CDH23: variants seen among roughly 807,000 people sequenced by gnomAD.
CDH23 encodes cadherin-23.
CDH23 carries 189 observed loss-of-function variants against 317.1 expected under a neutral mutation model. That is an observed-to-expected ratio of 0.60 (90% CI 0.53 to 0.67). The LOEUF (loss-of-function observed/expected upper bound fraction) is 0.67, where lower values mean the gene tolerates loss of function less well. Ranked by LOEUF, CDH23 falls within the 30% of genes least tolerant of loss-of-function variation. The pLI is 0.00. For missense variants in CDH23, 4,401 were observed against 4,592.4 expected, an observed-to-expected ratio of 0.96 and a Z score of 1.20; for synonymous variants, 1,839 against 1,876.8, an observed-to-expected ratio of 0.98 and a Z score of 0.52.
intron 28 of CDH23, among the ~76,000 whole-genome samples, chr10:71,719,180 C>T (rs1866433765): frequency 6.6e-6 from 1 of 152,222 alleles, no homozygotes; most frequent in African/African-American, 2.4e-5. Flanking sequence ...CAACACAACA[C>T]CCTTCCTGGA....
chr10:71,680,161 C>G (rs972537390), intron 17 of CDH23, among the ~76,000 whole-genome samples: 8 of 152,244 alleles, frequency 5.3e-5, no homozygotes, highest in Non-Finnish European at 1.0e-4. Flanking sequence ...GACACTGTCT[C>G]CCCTTACTGG....
chr10:71,782,864 T>C (rs1028706418), intron 41 of CDH23, among the ~76,000 whole-genome samples: 1 of 152,210 alleles, frequency 6.6e-6, no homozygotes, highest in African/African-American at 2.4e-5. Flanking sequence ...GGGAAGAGCC[T>C]GGGAGCGGAA....
Position 71,509,344 on chromosome 10 carries a change from A to G in CDH23, c.146-738A>G, listed in dbSNP as rs567722807. 2.0e-5 allele frequency among the ~76,000 whole-genome samples: 3 copies of G among 152,244 alleles called. No individual in the cohort carries two copies. In the South Asian group the frequency reaches 6.2e-4, roughly 32 times the overall value. ...CCAACTAAACTGACTTAGGCCAAAG[A>G]AAAGGTTGCAAGGGGAATTATTAGC... On this transcript the variant is annotated intron_variant, in intron 3 of 69. Coordinates refer to ENST00000224721, the MANE Select transcript of CDH23 (RefSeq NM_022124.6).
At chr10:71,582,841 C>T (rs1042294029) in intron 9 of CDH23, among the ~76,000 whole-genome samples, 4 of 152,216 alleles carry the variant, frequency 2.6e-5, no homozygotes, top group African/African-American at 7.2e-5. Flanking sequence ...CCCTGGGAAC[C>T]TGCAGTTTGG....
rs374190721 is a variant in CDH23 at position 71,753,024 on chromosome 10, A to C, written c.4845+11103A>C. ...GCACCTAGGGACAGACAGACAGAGA[A>C]GCTGGTCATGGAAGGGAAGGCTTCC... On this transcript the variant is annotated intron_variant, in intron 38 of 69. Transcript: ENST00000224721. 3.5e-5 allele frequency: 56 copies of C among 1,611,390 alleles called. No individual in the cohort carries two copies. The East Asian group carries it at 4.7e-4, about 13-fold the overall frequency.
intron 1 of CDH23, among the ~76,000 whole-genome samples, chr10:71,398,410 A>G (rs889486573): frequency 6.8e-6 from 1 of 147,242 alleles, no homozygotes; most frequent in Non-Finnish European, 1.5e-5. Flanking sequence ...ATTTTGAAAT[A>G]AGCTAGAGAG....
chr10:71,750,994 G>C (rs1839984049), intron 38 of CDH23: 1 of 455,256 alleles, frequency 2.2e-6, no homozygotes, highest in Non-Finnish European at 3.9e-6. Context: ...TTTGGCATCT[G>C]TAGCTGGTGA....
intron 38 of CDH23, among the ~76,000 whole-genome samples, chr10:71,768,602 A>G (rs1202841431): frequency 6.6e-6 from 1 of 152,012 alleles, no homozygotes; most frequent in African/African-American, 2.4e-5. Context: ...CTGCCTCCCA[A>G]CTAGGACTAC....
rs1197884550 is a variant in CDH23 at position 71,739,711 on chromosome 10, T to C, written c.4427T>C (p.Ile1476Thr). Reference sequence around the variant, plus strand: ...GAGATCGTCACCACCAATGACTCCATTGGCGAAGTGTTTGTGGCCAGGCCC... The same window carrying C: ...GAGATCGTCACCACCAATGACTCCACTGGCGAAGTGTTTGTGGCCAGGCCC... ...AFEIVTTNDS[I>T]GEVFVARPLD... Residue 1476 changes from isoleucine (I) to threonine (T), a missense_variant, in exon 36 of 70, where the codon ATT becomes ACT. By Grantham distance (89) the Ile-to-Thr change is moderately conservative. This residue lies in a region of CDH23 where 3,068 missense variants were observed against 3,203.3 expected (regional missense o/e 0.96). Coordinates refer to ENST00000224721, the MANE Select transcript of CDH23 (RefSeq NM_022124.6). The C allele has an allele frequency of 4.3e-6, 7 of 1,613,474 alleles. No individual in the cohort carries two copies. In the Admixed American group the frequency reaches 8.3e-5, roughly 19 times the overall value.
At chr10:71,427,195 G>GAAAGAAAGAAAGAAAGAAAGAA (rs1554823329) in intron 1 of CDH23, among the ~76,000 whole-genome samples, 1 of 98,934 alleles carries the variant, frequency 1.0e-5, no homozygotes, top group Non-Finnish European at 2.0e-5. Flanking sequence ...AGGAAGGAAA[G>GAAAGAAAGAAAGAAAGAAAGAA]AGAAAGAAAG....
chr10:71,763,011 G>A (rs9415040), intron 38 of CDH23, among the ~76,000 whole-genome samples: 76,020 of 152,008 alleles, frequency 0.5, 19,891 homozygotes, highest in Middle Eastern at 0.65. Context: ...CTAACTGTAT[G>A]AGCCTCAGTT....
chr10:71,463,211 G>A (rs909463916), intron 3 of CDH23, among the ~76,000 whole-genome samples: 40 of 152,168 alleles, frequency 2.6e-4, no homozygotes, highest in South Asian at 8.3e-4. Context: ...ATTAGATCGG[G>A]ACCATATTGA....
Position 71,809,773 on chromosome 10 carries a change from G to A in CDH23, c.8723-47G>A, listed in dbSNP as rs373776256. 3.2e-4 allele frequency: 514 copies of A among 1,589,056 alleles called. 1 individual carries two copies. In the African/African-American group the frequency reaches 5.0e-3, roughly 15 times the overall value. On this transcript the variant is annotated intron_variant, in intron 60 of 69. Coordinates refer to ENST00000224721, the MANE Select transcript of CDH23 (RefSeq NM_022124.6). ...GGCTCATGCCCCTTCCTGGGGATTC[G>A]GGGCACTGAGTCTCTGAGCCGTACC...
In CDH23 at chr10:71,777,862, A is replaced by G. The variant is rs1840854848; in HGVS notation, c.5028A>G (p.Ala1676=). 1.2e-6 allele frequency: 2 copies of G among 1,613,818 alleles called. No individual in the cohort carries two copies. Among genetic ancestry groups the G allele is most frequent in the African/African-American group, 1.3e-5 (1 of 74,894 alleles). Residue 1676 remains alanine (A), a synonymous_variant, in exon 39 of 70, where the codon GCA becomes GCG. Transcript: ENST00000224721. ...PNGTVTYAIV[A]GNIVNTFRID... ...GCACAGTCACCTATGCCATCGTCGC[A>G]GGCAACATCGTCAACACCTTCCGCA...
At chr10:71,624,957 T>C (rs1057294055) in intron 11 of CDH23, among the ~76,000 whole-genome samples, 3 of 151,994 alleles carry the variant, frequency 2.0e-5, no homozygotes, top group Non-Finnish European at 4.4e-5. Flanking sequence ...TTTTCCAAAC[T>C]CTGATAATTT....
intron 9 of CDH23, among the ~76,000 whole-genome samples, chr10:71,578,594 C>T (rs571687239): frequency 2.0e-5 from 3 of 152,264 alleles, no homozygotes; most frequent in African/African-American, 7.2e-5. Context: ...CCCTGACCCA[C>T]GCCCCACCCA....
At chr10:71,684,440 C>G (rs1035314094) in intron 18 of CDH23, among the ~76,000 whole-genome samples, 10 of 152,144 alleles carry the variant, frequency 6.6e-5, no homozygotes, top group African/African-American at 1.9e-4. Flanking sequence ...TCCACCCCCC[C>G]TGGAGACACC....
chr10:71,441,338 C>T (rs1353744845), intron 2 of CDH23, among the ~76,000 whole-genome samples: 1 of 152,094 alleles, frequency 6.6e-6, no homozygotes, highest in Non-Finnish European at 1.5e-5. Context: ...AGTCAGGACA[C>T]TTTCTTCAGC....
rs534045066 is a variant in CDH23, at chr10:71,634,388, C to G, written c.1135-9473C>G. On this transcript the variant is annotated intron_variant, in intron 11 of 69. Coordinates refer to ENST00000224721, the MANE Select transcript of CDH23 (RefSeq NM_022124.6). Reference sequence around the variant, plus strand: ...TTACACCCCACTTTAGCCCCCTGCCCCAACCCCAGCCAAAAGTTGGGTGCA... The same window carrying G: ...TTACACCCCACTTTAGCCCCCTGCCGCAACCCCAGCCAAAAGTTGGGTGCA... Among the ~76,000 whole-genome samples the G allele has an allele frequency of 3.3e-5, 5 of 152,348 alleles. No individual in the cohort carries two copies. The East Asian group carries it at 9.6e-4, about 29-fold the overall frequency.
Sources: allele counts gnomAD v4.1 joint callset (sites outside exome capture counted in the v4.1 genomes callset), GRCh38; gene constraint gnomAD v4.1.1; regional missense constraint gnomAD v4.1.1; transcripts MANE v1.5; gene names NCBI Gene and HGNC (gene_info 2026-07-23, HGNC 2026-07-21).